ABTB2: variants seen among roughly 807,000 people sequenced by gnomAD.
ABTB2 encodes ankyrin repeat and BTB domain containing 2, also known as ankyrin repeat and BTB/POZ domain-containing protein 2.
A neutral mutation model predicts 104.1 loss-of-function variants in ABTB2; 56 were observed. The ratio of observed to expected loss-of-function variants is 0.54; its 90% CI spans 0.43 to 0.67. The LOEUF (loss-of-function observed/expected upper bound fraction) is 0.67, where lower values mean the gene tolerates loss of function less well. Ranked by LOEUF, ABTB2 falls within the 30% of genes least tolerant of loss-of-function variation. ABTB2 has a pLI of 0.00. For synonymous variants in ABTB2, 606 were observed against 608.2 expected, an observed-to-expected ratio of 1.00 and a Z score of 0.05; for missense variants, 1,279 against 1,407.7, an observed-to-expected ratio of 0.91 and a Z score of 1.46.
intron 1 of ABTB2, among the ~76,000 whole-genome samples, chr11:34,241,541 C>A (rs1256865593): frequency 6.6e-6 from 1 of 152,190 alleles, no homozygotes; most frequent in Non-Finnish European, 1.5e-5. Flanking sequence ...GATGACCCAG[C>A]AGGACTGTTT....
intron 1 of ABTB2, among the ~76,000 whole-genome samples, chr11:34,305,026 A>G (rs894949857): frequency 3.9e-5 from 6 of 152,206 alleles, no homozygotes; most frequent in Non-Finnish European, 5.9e-5. Context: ...CAAGCCTAAT[A>G]CCTAAGCAAG....
At position 34,160,962 on chromosome 11, in the gene ABTB2, T is replaced by C; in HGVS notation, c.2338A>G (p.Asn780Asp). ...AAGCCCTCGGTCACCAGCTCCTCGT[T>C]GTACTCCTCCTCTCTGATGGAGCTG... Reference protein sequence around the residue: ...DFSSIREEEYNEELVTEGLQL... With the variant: ...DFSSIREEEYDEELVTEGLQL... Residue 780 changes from asparagine (N) to aspartate (D), a missense_variant, in exon 11 of 17, where the codon AAC becomes GAC. Asn to Asp is a conservative substitution (Grantham distance 23). Transcript: ENST00000435224. 6.2e-7 allele frequency: 1 copy of C among 1,613,620 alleles called. No homozygotes were observed. Among genetic ancestry groups the C allele is most frequent in the Non-Finnish European group, 8.5e-7 (1 of 1,179,786 alleles).
intron 1 of ABTB2, among the ~76,000 whole-genome samples, chr11:34,266,307 A>C (rs914548272): frequency 4.0e-5 from 6 of 151,398 alleles, no homozygotes; most frequent in Non-Finnish European, 7.4e-5. Context: ...CTGGCCTTGA[A>C]CTCCTGGGCT....
At chr11:34,298,904 T>C (rs911898256) in intron 1 of ABTB2, among the ~76,000 whole-genome samples, 2 of 152,220 alleles carry the variant, frequency 1.3e-5, no homozygotes, top group Non-Finnish European at 2.9e-5. Flanking sequence ...AAAGATCCCT[T>C]ATCTAATTTC....
intron 1 of ABTB2, among the ~76,000 whole-genome samples, chr11:34,218,419 GT>G (rs1452569781): frequency 6.6e-6 from 1 of 152,112 alleles, no homozygotes; most frequent in Non-Finnish European, 1.5e-5. Flanking sequence ...TCTTCTAGGA[GT>G]TTTATAGTTT....
chr11:34,166,252 C>T (rs1366332292), intron 7 of ABTB2, among the ~76,000 whole-genome samples: 1 of 152,252 alleles, frequency 6.6e-6, no homozygotes, highest in Non-Finnish European at 1.5e-5. Context: ...TCAGGCTGAC[C>T]TCTCAGTCCC....
At chr11:34,280,868 C>T (rs1186943107) in intron 1 of ABTB2, among the ~76,000 whole-genome samples, 1 of 152,166 alleles carries the variant, frequency 6.6e-6, no homozygotes, top group Non-Finnish European at 1.5e-5. Flanking sequence ...ACTCAAAGTC[C>T]TTGGGTGCTT....
At chr11:34,347,677 G>A (rs189558977) in intron 1 of ABTB2, among the ~76,000 whole-genome samples, 253 of 152,034 alleles carry the variant, frequency 1.7e-3, no homozygotes, top group Non-Finnish European at 2.4e-3. Context: ...TGCACCTTAG[G>A]GACTCCAATT....
intron 9 of ABTB2, among the ~76,000 whole-genome samples, chr11:34,163,784 A>G (rs1852755747): frequency 6.6e-6 from 1 of 152,226 alleles, no homozygotes; most frequent in Non-Finnish European, 1.5e-5. Flanking sequence ...TGGCATGTGA[A>G]GGTGAACTAG....
chr11:34,167,112 C>G (rs1450472246), intron 7 of ABTB2, 147 bp downstream of exon 7: 1 of 696,386 alleles, frequency 1.4e-6, no homozygotes, highest in African/African-American at 1.8e-5. Flanking sequence ...GGCTGCTGCT[C>G]TATCGATCAG....
intron 1 of ABTB2, among the ~76,000 whole-genome samples, chr11:34,222,007 T>C (rs1181585415): frequency 1.3e-5 from 2 of 152,104 alleles, no homozygotes; most frequent in African/African-American, 2.4e-5. Flanking sequence ...ATCGCACCAT[T>C]GCATTTCCAG....
At position 34,173,089 on chromosome 11, in the gene ABTB2, G is replaced by A. The variant is rs1029584912; in HGVS notation, c.1397+66C>T. On this transcript the variant is annotated intron_variant, in intron 4 of 16. Coordinates refer to ENST00000435224, the MANE Select transcript of ABTB2 (RefSeq NM_145804.3). ...CCGCCCAGCCATCTGGGGAAGAAGC[G>A]AGCAGAGGGGAGCCGCTGGGGGCAG... 2.2e-5 allele frequency: 35 copies of A among 1,599,398 alleles called. No individual in the cohort carries two copies. In the African/African-American group the frequency reaches 3.2e-4, roughly 15 times the overall value.
At chr11:34,172,419 T>TATATATATATATGG (rs1852891290) in intron 4 of ABTB2, among the ~76,000 whole-genome samples, 1 of 34,800 alleles carries the variant, frequency 2.9e-5, no homozygotes, top group Non-Finnish European at 7.9e-5. Flanking sequence ...TATATATATA[T>TATATATATATATGG]GTGTGTGTGT....
chr11:34,324,223 T>G (rs1221123548), intron 1 of ABTB2, among the ~76,000 whole-genome samples: 1 of 152,132 alleles, frequency 6.6e-6, no homozygotes, highest in Non-Finnish European at 1.5e-5. Flanking sequence ...TTTACATAAA[T>G]TCTTAGTTAG....
At position 34,235,998 on chromosome 11, in the gene ABTB2, G is replaced by A. The variant is rs571715802; in HGVS notation, c.884-31308C>T. ...GCCCACACTCAGAAGCAGGCTGAGC[G>A]CCAGACGGGGAGAGATGCTGCTGGG... On this transcript the variant is annotated intron_variant, in intron 1 of 16. Coordinates refer to ENST00000435224, the MANE Select transcript of ABTB2 (RefSeq NM_145804.3). 3.9e-5 allele frequency among the ~76,000 whole-genome samples: 6 copies of A among 152,324 alleles called. No homozygotes were observed. The East Asian group carries it at 9.7e-4, about 25-fold the overall frequency.
intron 1 of ABTB2, among the ~76,000 whole-genome samples, chr11:34,312,140 C>CAAAA (rs67673538): frequency 9.0e-6 from 1 of 111,170 alleles, no homozygotes; most frequent in African/African-American, 3.2e-5. Context: ...GACTCCATCT[C>CAAAA]AAAAAAAAAA....
intron 1 of ABTB2, among the ~76,000 whole-genome samples, chr11:34,250,754 A>C (rs1854046027): frequency 6.6e-6 from 1 of 152,196 alleles, no homozygotes. Flanking sequence ...CTGCGGCTAC[A>C]AATGCTCTGC....
At chr11:34,202,048 CG>C (rs1691853202) in intron 2 of ABTB2, among the ~76,000 whole-genome samples, 1 of 152,154 alleles carries the variant, frequency 6.6e-6, no homozygotes, top group Non-Finnish European at 1.5e-5. Flanking sequence ...AGGATACAGC[CG>C]TGGACAAAGG....
At chr11:34,343,216 G>A (rs1248219920) in intron 1 of ABTB2, among the ~76,000 whole-genome samples, 1 of 152,092 alleles carries the variant, frequency 6.6e-6, no homozygotes, top group Admixed American at 6.5e-5. Context: ...GTGTTCTTTG[G>A]TGATCCCTCT....
Sources: gnomAD v4.1 joint callset for allele counts (sites outside exome capture counted in the v4.1 genomes callset) on GRCh38, gnomAD v4.1.1 for gene constraint, MANE v1.5 for transcripts, NCBI Gene and HGNC (gene_info 2026-07-23, HGNC 2026-07-21) for gene names.